Variants in PRKCE observed in about 807,000 individuals in gnomAD.
PRKCE encodes protein kinase C epsilon type.
In PRKCE, 16 loss-of-function variants were observed where a neutral mutation model predicts 85.4. That is an observed-to-expected ratio of 0.19 (90% CI 0.13 to 0.28). The LOEUF is 0.28. Among genes scored for constraint, PRKCE ranks in the 10% least tolerant of loss-of-function variants. The probability of loss-of-function intolerance (pLI) is 1.00; values close to 1 mark genes in which losing one functional copy is unlikely to be tolerated. For synonymous variants in PRKCE, 388 were observed against 371.5 expected (o/e 1.04, Z -0.51); for missense variants, 573 against 975.2 (o/e 0.59, Z 5.49).
chr2:45,970,427 C>T (rs1702031144), intron 2 of PRKCE, among the ~76,000 whole-genome samples: 1 of 151,990 alleles, frequency 6.6e-6, no homozygotes, highest in Admixed American at 6.6e-5. Context: ...CTGGTCTTGC[C>T]ATTTAATCAG....
chr2:46,171,763 G>A (rs1487807137), intron 14 of PRKCE, among the ~76,000 whole-genome samples: 1 of 152,152 alleles, frequency 6.6e-6, no homozygotes, highest in Non-Finnish European at 1.5e-5. Flanking sequence ...GCTTTGTTAT[G>A]TTTTCCTCCT....
intron 10 of PRKCE, among the ~76,000 whole-genome samples, chr2:46,071,207 G>A (rs72806760): frequency 0.2 from 29,983 of 152,134 alleles, 3,853 homozygotes; most frequent in Non-Finnish European, 0.29. Flanking sequence ...TAATGTTAAC[G>A]TATTTCATTG....
chr2:45,977,634 G>T, intron 3 of PRKCE, among the ~76,000 whole-genome samples: 1 of 138,120 alleles, frequency 7.2e-6, no homozygotes, highest in Non-Finnish European at 1.6e-5. Context: ...GTGAGACTCT[G>T]TCTTAAAAAA....
chr2:45,750,116 G>C (rs528977496), intron 1 of PRKCE, among the ~76,000 whole-genome samples: 1 of 152,092 alleles, frequency 6.6e-6, no homozygotes, highest in Non-Finnish European at 1.5e-5. Context: ...CATCCTGTTA[G>C]GGTTTTTAAA....
intron 6 of PRKCE, among the ~76,000 whole-genome samples, chr2:45,998,392 C>T (rs1166076139): frequency 6.6e-6 from 1 of 152,184 alleles, no homozygotes; most frequent in Non-Finnish European, 1.5e-5. Context: ...AAAATTACGT[C>T]TTTTTTGAGA....
At chr2:46,109,749 T>G (rs1046878247) in intron 11 of PRKCE, among the ~76,000 whole-genome samples, 3 of 152,066 alleles carry the variant, frequency 2.0e-5, no homozygotes, top group Admixed American at 6.6e-5. Flanking sequence ...TGAATAGGAA[T>G]GGGGGGAGAG....
chr2:45,840,567 G>A (rs142708124), intron 1 of PRKCE: 2 of 152,322 alleles, frequency 1.3e-5, no homozygotes, highest in South Asian at 2.1e-4. Flanking sequence ...CAGCTCCCCC[G>A]GGGTGCCCAG....
rs979285348 is a variant in PRKCE at position 46,068,193 on chromosome 2, G to GA, written c.1438-18008dup. On this transcript the variant is annotated intron_variant, in intron 10 of 14. Transcript: ENST00000306156. The surrounding 1 kb of genome is among the most constrained non-coding windows in gnomAD (Gnocchi z 4.3). ...ACCTTAGCTGGTCTGTATCCAGGAT[G>GA]AAAAAAATAATCTATTTTGGTGAGC... Among the ~76,000 whole-genome samples, 3 of 152,026 alleles carry GA rather than the reference G, an allele frequency of 2.0e-5. No homozygotes were observed. Among genetic ancestry groups the GA allele is most frequent in the Non-Finnish European group, 2.9e-5 (2 of 67,998 alleles).
Position 45,907,472 on chromosome 2 carries a change from CCA to C in PRKCE, c.412+64412_412+64413del, listed in dbSNP as rs1697064971. Among the ~76,000 whole-genome samples, 1 of 152,174 alleles carries C rather than the reference CCA, an allele frequency of 6.6e-6. No homozygotes were observed. Among genetic ancestry groups the C allele is most frequent in the African/African-American group, 2.4e-5 (1 of 41,442 alleles). On this transcript the variant is annotated intron_variant, in intron 2 of 14. Transcript: ENST00000306156. The surrounding 1 kb of genome is among the most constrained non-coding windows in gnomAD (Gnocchi z 4.5). ...AAAACCAAGACGAGTTTTGTCCCTG[CCA>C]CAGAGGTAACAATGGACGAAGCACA...
At chr2:45,968,031 G>C (rs537945185) in intron 2 of PRKCE, among the ~76,000 whole-genome samples, 58 of 152,332 alleles carry the variant, frequency 3.8e-4, no homozygotes, top group Non-Finnish European at 7.5e-4. Flanking sequence ...CTGTCCTGCA[G>C]TGAGGAATGA....
chr2:45,831,336 A>T (rs186872163), intron 1 of PRKCE, among the ~76,000 whole-genome samples: 5 of 152,380 alleles, frequency 3.3e-5, no homozygotes, highest in Admixed American at 3.3e-4. Context: ...CTATGGTTAG[A>T]GAACAGAATG....
At chr2:46,084,012 C>G (rs1297668315) in intron 10 of PRKCE, among the ~76,000 whole-genome samples, 2 of 152,146 alleles carry the variant, frequency 1.3e-5, no homozygotes, top group African/African-American at 4.8e-5. Context: ...AATTCTGATT[C>G]CAGTGGTCTG....
chr2:46,085,067 G>A (rs1669462226), intron 10 of PRKCE, among the ~76,000 whole-genome samples: 1 of 152,134 alleles, frequency 6.6e-6, no homozygotes, highest in South Asian at 2.1e-4. Context: ...CCCCAGGACA[G>A]CAATGGCTTG....
intron 2 of PRKCE, among the ~76,000 whole-genome samples, chr2:45,930,368 A>G (rs1698945318): frequency 6.6e-6 from 1 of 152,208 alleles, no homozygotes; most frequent in African/African-American, 2.4e-5. Context: ...ACTTGACCAA[A>G]ATTATATGAT....
intron 11 of PRKCE, among the ~76,000 whole-genome samples, chr2:46,126,024 G>A (rs1346150152): frequency 2.0e-5 from 3 of 152,194 alleles, no homozygotes; most frequent in African/African-American, 7.2e-5. Flanking sequence ...ACTCCAACAG[G>A]TCAGTTCTTG....
chr2:45,686,133 A>G (rs1677280522), intron 1 of PRKCE, among the ~76,000 whole-genome samples: 1 of 152,300 alleles, frequency 6.6e-6, no homozygotes, highest in Admixed American at 6.5e-5. Context: ...AGGAGTATGC[A>G]AGCAGAAACC....
chr2:45,804,370 G>A (rs1204754969), intron 1 of PRKCE, among the ~76,000 whole-genome samples: 1 of 152,128 alleles, frequency 6.6e-6, no homozygotes, highest in Non-Finnish European at 1.5e-5. Flanking sequence ...CATCCCTACC[G>A]ACCTGAATTC....
At chr2:46,058,283 G>A (rs771686177) in intron 10 of PRKCE, among the ~76,000 whole-genome samples, 4 of 152,296 alleles carry the variant, frequency 2.6e-5, no homozygotes, top group East Asian at 1.9e-4. Context: ...CCCATGGCAG[G>A]TCAGGACAAG....
At chr2:46,084,089 G>A (rs563094045) in intron 10 of PRKCE, among the ~76,000 whole-genome samples, 7 of 152,328 alleles carry the variant, frequency 4.6e-5, no homozygotes, top group African/African-American at 1.7e-4. Context: ...TGAATAAACA[G>A]TGGGCAAGGC....
Sources: gnomAD v4.1 joint callset for allele counts (sites outside exome capture counted in the v4.1 genomes callset) on GRCh38, gnomAD v4.1.1 for gene constraint, Gnocchi (gnomAD v3.1) non-coding constraint, MANE v1.5 for transcripts, NCBI Gene and HGNC (gene_info 2026-07-23, HGNC 2026-07-21) for gene names.